The following C10orf90 variants were observed in gnomAD, a reference collection of about 807,000 sequenced individuals.
C10orf90 encodes the protein (E2-independent) E3 ubiquitin-conjugating enzyme FATS.
A neutral mutation model predicts 62.5 loss-of-function variants in C10orf90; 56 were observed. The ratio of observed to expected loss-of-function variants is 0.90; its 90% CI spans 0.72 to 1.12. C10orf90 has a LOEUF of 1.12. C10orf90 is among the 50% of genes most tolerant of loss of function. The probability of loss-of-function intolerance (pLI) is 0.00; values close to 1 mark genes in which losing one functional copy is unlikely to be tolerated. For missense variants in C10orf90, 970 were observed against 880.4 expected, an observed-to-expected ratio of 1.10 and a Z score of -1.29; for synonymous variants, 386 against 340.4, an observed-to-expected ratio of 1.13 and a Z score of -1.47.
chr10:126,536,035 A>G (rs1864226176), intron 2 of C10orf90, among the ~76,000 whole-genome samples: 1 of 152,176 alleles, frequency 6.6e-6, no homozygotes, highest in African/African-American at 2.4e-5. Context: ...GGCCATCAAA[A>G]GGGACGTGGC....
chr10:126,616,253 A>C (rs1845539347), intron 2 of C10orf90, among the ~76,000 whole-genome samples: 1 of 152,124 alleles, frequency 6.6e-6, no homozygotes, highest in Non-Finnish European at 1.5e-5. Flanking sequence ...AATAATCAAG[A>C]GTGTACTACC....
rs371712599 is a variant in C10orf90 at position 126,605,337 on chromosome 10, G to C, written c.313+41228C>G. On this transcript the variant is annotated intron_variant, in intron 2 of 9. Transcript: ENST00000488181. ...ACCCCAATGCAAGCACAGGGCCCTCGTCTGAGATGCACAGCTACAGGCCTG... is the reference window on the plus strand; with the variant it reads ...ACCCCAATGCAAGCACAGGGCCCTCCTCTGAGATGCACAGCTACAGGCCTG... Among the ~76,000 whole-genome samples, 8 of 151,492 alleles carry C rather than the reference G, an allele frequency of 5.3e-5. No homozygotes were observed. The South Asian group carries it at 1.2e-3, about 24-fold the overall frequency.
chr10:126,527,614 T>A (rs936591193), intron 2 of C10orf90, among the ~76,000 whole-genome samples: 1 of 152,236 alleles, frequency 6.6e-6, no homozygotes, highest in Non-Finnish European at 1.5e-5. Flanking sequence ...TGGGTTTGCA[T>A]CTAGCTTGGT....
In C10orf90 at chr10:126,485,203, G is replaced by A. The variant is rs547080323; in HGVS notation, c.1534+18754C>T. Reference sequence around the variant, plus strand: ...CTCACTTTCTACAATGTGAGGACACGACAAAAACTCAACAGTCCACAATAG... The same window carrying A: ...CTCACTTTCTACAATGTGAGGACACAACAAAAACTCAACAGTCCACAATAG... On this transcript the variant is annotated intron_variant, in intron 4 of 9. Coordinates refer to ENST00000488181, the MANE Select transcript of C10orf90 (RefSeq NM_001350921.2). 2.6e-5 allele frequency among the ~76,000 whole-genome samples: 4 copies of A among 152,246 alleles called. No individual in the cohort carries two copies. The East Asian group carries it at 5.8e-4, about 22-fold the overall frequency.
At chr10:126,565,198 ACATATTATGTAATATAATTTT>A (rs2133995069) in intron 2 of C10orf90, among the ~76,000 whole-genome samples, 1 of 61,286 alleles carries the variant, frequency 1.6e-5, no homozygotes, top group East Asian at 6.2e-4. Flanking sequence ...TATTTATATT[ACATATTATGTAATATAATTTT>A]TATATTACAT....
intron 2 of C10orf90, among the ~76,000 whole-genome samples, chr10:126,642,373 A>C (rs1278781464): frequency 1.3e-5 from 2 of 152,114 alleles, no homozygotes; most frequent in Non-Finnish European, 2.9e-5. Flanking sequence ...TCTACTAAAA[A>C]TACAAAAAAT....
chr10:126,461,577 T>C lies in C10orf90; in HGVS notation c.1834A>G (p.Thr612Ala), dbSNP rs756778688. Residue 612 changes from threonine to alanine, a missense_variant, in exon 6 of 10, where the codon ACA (threonine) becomes GCA (alanine). By Grantham distance (58) the Thr-to-Ala change is moderately conservative (BLOSUM62 0). Transcript: ENST00000488181. ...ATTTTTACAACCAAGTCACAGCATGTGTAATCTCCTAGGAGAGAAGATTTA... is the reference window on the plus strand; with the variant it reads ...ATTTTTACAACCAAGTCACAGCATGCGTAATCTCCTAGGAGAGAAGATTTA... ...IESKFPKGDY[T>A]CCDLVVKIKE... The C allele has an allele frequency of 6.2e-7, 1 of 1,613,656 alleles. No homozygotes were observed.
intron 2 of C10orf90, among the ~76,000 whole-genome samples, chr10:126,517,242 G>A (rs1863482528): frequency 6.6e-6 from 1 of 152,072 alleles, no homozygotes; most frequent in African/African-American, 2.4e-5. Context: ...ACAATGCTAT[G>A]TTTATCAAAA....
At chr10:126,579,942 A>G (rs1184814593) in intron 2 of C10orf90, among the ~76,000 whole-genome samples, 2 of 152,128 alleles carry the variant, frequency 1.3e-5, no homozygotes, top group African/African-American at 4.8e-5. Context: ...TATGAAGCTG[A>G]TGGGACACAA....
chr10:126,502,858 T>C lies in C10orf90; in HGVS notation c.1534+1099A>G, dbSNP rs200533716. On this transcript the variant is annotated intron_variant, in intron 4 of 9. Coordinates refer to ENST00000488181, the MANE Select transcript of C10orf90 (RefSeq NM_001350921.2). ...GTCTGTAAGACATGCATTTCAATGG[T>C]TTAATCAATCTGAAAGCCATGCCAA... is the stretch of plus-strand genomic sequence containing the variant. The C allele has an allele frequency of 7.3e-4, 376 of 515,190 alleles. 4 individuals carry two copies. The Middle Eastern group carries it at 0.01, about 14-fold the overall frequency. 31.9% of individuals were successfully genotyped at this position (515,190 alleles called of 1,614,324 possible). A position where few individuals can be genotyped will look rare whatever the true frequency, so the allele number is the denominator to read the frequency against.
At chr10:126,491,179 A>G (rs1591001537) in intron 4 of C10orf90, among the ~76,000 whole-genome samples, 1 of 152,240 alleles carries the variant, frequency 6.6e-6, no homozygotes, top group Non-Finnish European at 1.5e-5. Context: ...GATTCATGCA[A>G]TGACATGGAA....
chr10:126,625,890 G>T (rs1186136661), intron 2 of C10orf90, among the ~76,000 whole-genome samples: 1 of 152,078 alleles, frequency 6.6e-6, no homozygotes, highest in Admixed American at 6.5e-5. Context: ...CGAGGTGGCA[G>T]GATGACTTGA....
intron 2 of C10orf90, among the ~76,000 whole-genome samples, chr10:126,557,191 A>G (rs1468649588): frequency 6.6e-6 from 1 of 152,014 alleles, no homozygotes; most frequent in African/African-American, 2.4e-5. Flanking sequence ...CAGATTAAGA[A>G]ATAAATGTGG....
At chr10:126,550,554 G>C (rs1864609866) in intron 2 of C10orf90, among the ~76,000 whole-genome samples, 1 of 152,126 alleles carries the variant, frequency 6.6e-6, no homozygotes, top group Non-Finnish European at 1.5e-5. Flanking sequence ...CTGTCGCCCA[G>C]GTTAGAGTGC....
At chr10:126,492,425 T>C (rs1325537539) in intron 4 of C10orf90, among the ~76,000 whole-genome samples, 2 of 152,210 alleles carry the variant, frequency 1.3e-5, no homozygotes, top group Non-Finnish European at 2.9e-5. Context: ...AAGATGTAAA[T>C]GTTAAGGGGA....
At chr10:126,649,618 T>A (rs907575323) in intron 1 of C10orf90, among the ~76,000 whole-genome samples, 3 of 152,216 alleles carry the variant, frequency 2.0e-5, no homozygotes, top group Admixed American at 6.5e-5. Context: ...AGGTTTCTGA[T>A]TCATAAGCTC....
intron 7 of C10orf90, among the ~76,000 whole-genome samples, chr10:126,436,784 C>T (rs1857948282): frequency 6.6e-6 from 1 of 151,542 alleles, no homozygotes; most frequent in Non-Finnish European, 1.5e-5. Flanking sequence ...ACTTCGGCCT[C>T]CCCTGAATAG....
chr10:126,578,104 A>G (rs1175775317), intron 2 of C10orf90, among the ~76,000 whole-genome samples: 1 of 152,222 alleles, frequency 6.6e-6, no homozygotes, highest in Non-Finnish European at 1.5e-5. Context: ...AACAGAAAAT[A>G]ATTGCTTTAT....
At chr10:126,511,549 A>C (rs906918604) in intron 3 of C10orf90, among the ~76,000 whole-genome samples, 1 of 151,846 alleles carries the variant, frequency 6.6e-6, no homozygotes, top group African/African-American at 2.4e-5. Context: ...ATTCTCTGAC[A>C]ACCACCAAGA....
Sources: allele counts gnomAD v4.1 joint callset (sites outside exome capture counted in the v4.1 genomes callset), GRCh38; gene constraint gnomAD v4.1.1; transcripts MANE v1.5; gene names NCBI Gene and HGNC (gene_info 2026-07-23, HGNC 2026-07-21).